Variants in FRMD4A observed in about 807,000 individuals in gnomAD.
FRMD4A encodes the protein FERM domain containing 4A, also known as FERM domain-containing protein 4A.
A neutral mutation model predicts 129.1 loss-of-function variants in FRMD4A; 29 were observed. That is an observed-to-expected ratio of 0.22 (90% CI 0.17 to 0.31). The LOEUF is 0.31. Ranked by LOEUF, FRMD4A falls within the 10% of genes least tolerant of loss-of-function variation. The pLI is 1.00. For missense variants in FRMD4A, 1,272 were observed against 1,375.8 expected (o/e 0.92, Z 1.19); for synonymous variants, 634 against 571.6 (o/e 1.11, Z -1.56).
chr10:14,120,013 T>C (rs1838411933), intron 2 of FRMD4A, among the ~76,000 whole-genome samples: 1 of 148,506 alleles, frequency 6.7e-6, no homozygotes, highest in African/African-American at 2.5e-5. Flanking sequence ...TTTTTTTTTT[T>C]TCCTGGGCAA....
At chr10:14,160,852 G>C (rs192808470) in intron 2 of FRMD4A, among the ~76,000 whole-genome samples, 32 of 152,250 alleles carry the variant, frequency 2.1e-4, no homozygotes, top group Non-Finnish European at 4.0e-4. Context: ...TTATCAAAGA[G>C]ACAAAAAATA....
chr10:13,992,445 C>T (rs530638828), intron 2 of FRMD4A, among the ~76,000 whole-genome samples: 207 of 152,302 alleles, frequency 1.4e-3, no homozygotes, highest in African/African-American at 4.8e-3. Context: ...GCCTTGGGTC[C>T]TGCCCACCCA....
At chr10:13,765,983 G>A (rs2092275510) in intron 6 of FRMD4A, among the ~76,000 whole-genome samples, 1 of 152,196 alleles carries the variant, frequency 6.6e-6, no homozygotes. Context: ...CTGCTGAGAG[G>A]CTTATCTGAT....
In FRMD4A at chr10:13,932,854, C is replaced by G. The variant is rs1465473306; in HGVS notation, c.46-73942G>C. ...TTCTTCCCCCTACAACCATGCTTGA[C>G]TAGCTTAAAAAAATATTTCTGAAAG... On this transcript the variant is annotated intron_variant, in intron 2 of 24. Transcript: ENST00000357447. Among the ~76,000 whole-genome samples, 6 of 152,238 alleles carry G rather than the reference C, an allele frequency of 3.9e-5. 1 individual carries two copies. In the South Asian group the frequency reaches 6.2e-4, roughly 16 times the overall value.
chr10:14,264,884 C>T (rs986116202), intron 2 of FRMD4A, among the ~76,000 whole-genome samples: 9 of 152,118 alleles, frequency 5.9e-5, no homozygotes, highest in East Asian at 1.9e-4. Context: ...TGGGTTCCAG[C>T]GACTCTCCTG....
chr10:13,892,098 G>T (rs2131166780), intron 2 of FRMD4A, among the ~76,000 whole-genome samples: 1 of 150,024 alleles, frequency 6.7e-6, no homozygotes, highest in East Asian at 2.0e-4. Context: ...CCTCTCCGTG[G>T]CACCCGCAGG....
chr10:14,011,117 G>T (rs973378838), intron 2 of FRMD4A, among the ~76,000 whole-genome samples: 1 of 152,300 alleles, frequency 6.6e-6, no homozygotes, highest in Middle Eastern at 3.4e-3. Flanking sequence ...TGATTTCAGG[G>T]CCCAGCTTGC....
At position 14,116,191 on chromosome 10, in the gene FRMD4A, C is replaced by G. The variant is rs79767839; in HGVS notation, c.45+213867G>C. On this transcript the variant is annotated intron_variant, in intron 2 of 24. Coordinates refer to ENST00000357447, the MANE Select transcript of FRMD4A (RefSeq NM_018027.5). ...TTGGTTATGAAAATTGCATGCCTTGCATCATTACTCTGTTCTATTAGAAAC... is the reference window on the plus strand; with the variant it reads ...TTGGTTATGAAAATTGCATGCCTTGGATCATTACTCTGTTCTATTAGAAAC... Among the ~76,000 whole-genome samples, 15 of 152,302 alleles carry G rather than the reference C, an allele frequency of 9.8e-5. No homozygotes were observed. The East Asian group carries it at 2.9e-3, about 29-fold the overall frequency.
chr10:13,853,829 C>CAAAAAA (rs745585369), intron 3 of FRMD4A, among the ~76,000 whole-genome samples: 2 of 89,872 alleles, frequency 2.2e-5, no homozygotes, highest in African/African-American at 4.7e-5. Flanking sequence ...AAGACTCTCT[C>CAAAAAA]AAAAAAAAAA....
At chr10:13,718,106 G>A (rs1166604413) in intron 12 of FRMD4A, among the ~76,000 whole-genome samples, 1 of 152,204 alleles carries the variant, frequency 6.6e-6, no homozygotes, top group Non-Finnish European at 1.5e-5. Flanking sequence ...TCCTGCTGGG[G>A]AGGGGAGAGG....
At chr10:13,789,882 G>A (rs1253844546) in intron 5 of FRMD4A, among the ~76,000 whole-genome samples, 1 of 151,432 alleles carries the variant, frequency 6.6e-6, no homozygotes, top group Middle Eastern at 3.2e-3. Flanking sequence ...CGCTAAAGAT[G>A]TCCTTTTCTG....
At position 14,231,680 on chromosome 10, in the gene FRMD4A, G is replaced by A. The variant is rs112096575; in HGVS notation, c.45+98378C>T. Among the ~76,000 whole-genome samples the A allele has an allele frequency of 1.6e-3, 245 of 152,274 alleles. 1 individual carries two copies. The highest frequency in any genetic ancestry group is 5.8e-3 in the African/African-American group (240 of 41,564). On this transcript the variant is annotated intron_variant, in intron 2 of 24. Coordinates refer to ENST00000357447, the MANE Select transcript of FRMD4A (RefSeq NM_018027.5). ...GGTTTTGACTTGCATTTCTCTATTA[G>A]TGATGTTGAGCATTTTTTCTTATGT... is the stretch of plus-strand genomic sequence containing the variant.
intron 2 of FRMD4A, among the ~76,000 whole-genome samples, chr10:14,174,787 A>G (rs903383904): frequency 6.6e-6 from 1 of 151,638 alleles, no homozygotes; most frequent in Non-Finnish European, 1.5e-5. Context: ...GAGGCACATA[A>G]CTGTAGCCTC....
chr10:14,107,847 A>G (rs1381558429), intron 2 of FRMD4A, among the ~76,000 whole-genome samples: 1 of 152,174 alleles, frequency 6.6e-6, no homozygotes, highest in Non-Finnish European at 1.5e-5. Flanking sequence ...TCAGACACCA[A>G]TGGATAGACT....
At chr10:14,125,981 T>C (rs1367811539) in intron 2 of FRMD4A, among the ~76,000 whole-genome samples, 1 of 152,136 alleles carries the variant, frequency 6.6e-6, no homozygotes, top group African/African-American at 2.4e-5. Flanking sequence ...ACTAAACCGA[T>C]GATAAAACAG....
At chr10:14,168,191 G>A (rs553996094) in intron 2 of FRMD4A, among the ~76,000 whole-genome samples, 1 of 152,300 alleles carries the variant, frequency 6.6e-6, no homozygotes, top group East Asian at 1.9e-4. Context: ...AGGGTCCCAG[G>A]CAGTGGTGTG....
In FRMD4A at chr10:13,884,174, A is replaced by ACACTCTCACACACACTCACACACT. The variant is rs769193704; in HGVS notation, c.46-25263_46-25262insAGTGTGTGAGTGTGTGTGAGAGTG. Among the ~76,000 whole-genome samples the ACACTCTCACACACACTCACACACT allele has an allele frequency of 8.0e-4, 84 of 105,280 alleles. 1 individual carries two copies. Among genetic ancestry groups the ACACTCTCACACACACTCACACACT allele is most frequent in the African/African-American group, 2.9e-3 (82 of 28,106 alleles). 69.1% of individuals were successfully genotyped at this position (105,280 alleles called of 152,430 possible). Reference sequence around the variant, plus strand: ...CACACTCTCACACACACACTCACACACTCACACACACACACACACACTCAC... The same window carrying ACACTCTCACACACACTCACACACT: ...CACACTCTCACACACACACTCACACACACTCTCACACACACTCACACACTCTCACACACACACACACACACTCAC... On this transcript the variant is annotated intron_variant, in intron 2 of 24. Coordinates refer to ENST00000357447, the MANE Select transcript of FRMD4A (RefSeq NM_018027.5).
intron 2 of FRMD4A, among the ~76,000 whole-genome samples, chr10:14,289,391 T>A (rs1377611877): frequency 3.3e-5 from 5 of 152,184 alleles, no homozygotes; most frequent in Admixed American, 2.6e-4. Flanking sequence ...GTTGAGCACA[T>A]TTTCATATGC....
intron 2 of FRMD4A, among the ~76,000 whole-genome samples, chr10:14,041,603 G>A (rs931363863): frequency 6.6e-6 from 1 of 152,094 alleles, no homozygotes; most frequent in Non-Finnish European, 1.5e-5. Context: ...GCGTGACCAG[G>A]GATTTTCATA....
Sources: gnomAD v4.1 joint callset for allele counts (sites outside exome capture counted in the v4.1 genomes callset) on GRCh38, gnomAD v4.1.1 for gene constraint, MANE v1.5 for transcripts, NCBI Gene and HGNC (gene_info 2026-07-23, HGNC 2026-07-21) for gene names.